The following NLGN4X variants were observed in gnomAD, a reference collection of about 807,000 sequenced individuals.
NLGN4X encodes the protein neuroligin-4, X-linked.
Under a neutral mutation model 40.3 loss-of-function variants are expected in NLGN4X, and 3 were observed. The observed-to-expected ratio is 0.07, with a 90% CI of 0.03 to 0.19. NLGN4X has a LOEUF of 0.19. NLGN4X is among the 10% of genes least tolerant of loss of function. NLGN4X has a pLI of 1.00. For missense variants in NLGN4X, 382 were observed against 708.3 expected (o/e 0.54, Z 5.23); for synonymous variants, 270 against 306.8 (o/e 0.88, Z 1.25).
chrX:6,123,932 G>A (rs1001828717), intron 2 of NLGN4X, among the ~76,000 whole-genome samples: 1 of 108,492 alleles, frequency 9.2e-6, no homozygotes, highest in Non-Finnish European at 1.9e-5. Context: ...GATAACTGCA[G>A]AAATAAAATT....
chrX:6,116,356 C>T (rs1176415003), intron 2 of NLGN4X, among the ~76,000 whole-genome samples: 1 of 86,645 alleles, frequency 1.2e-5, no homozygotes, highest in Non-Finnish European at 2.2e-5. Flanking sequence ...CACACGTCCA[C>T]TTTCATTCAA....
At chrX:6,065,929 C>A (rs189106166) in intron 2 of NLGN4X, among the ~76,000 whole-genome samples, 1 of 110,869 alleles carries the variant, frequency 9.0e-6, no homozygotes, top group East Asian at 2.8e-4. Context: ...ACATTTAATT[C>A]AATTATATTT....
intron 1 of NLGN4X, among the ~76,000 whole-genome samples, chrX:6,224,286 G>A (rs1343195605): frequency 1.8e-5 from 2 of 112,312 alleles, no homozygotes; most frequent in African/African-American, 6.5e-5. Flanking sequence ...GTTAAACGGA[G>A]GTCATTCCCT....
intron 3 of NLGN4X, among the ~76,000 whole-genome samples, chrX:6,016,885 G>T (rs1462189661): frequency 8.9e-6 from 1 of 111,957 alleles, no homozygotes; most frequent in Admixed American, 9.5e-5. Context: ...TGTATTATAT[G>T]ATTTAATTTA....
intron 3 of NLGN4X, among the ~76,000 whole-genome samples, chrX:5,917,488 T>C (rs752509123): frequency 5.3e-5 from 6 of 112,517 alleles, no homozygotes; most frequent in Non-Finnish European, 9.4e-5. Context: ...GTGGATTCAG[T>C]TGGACATCCT....
intron 3 of NLGN4X, among the ~76,000 whole-genome samples, chrX:5,928,049 C>G (rs1187754738): frequency 8.9e-6 from 1 of 111,983 alleles, no homozygotes. Flanking sequence ...ATCTGCAACT[C>G]CAGGGCAAAA....
At chrX:5,986,101 T>G (rs925165211) in intron 3 of NLGN4X, among the ~76,000 whole-genome samples, 1 of 112,278 alleles carries the variant, frequency 8.9e-6, no homozygotes, top group African/African-American at 3.2e-5. Flanking sequence ...AACTACCACC[T>G]GGAAAACTAT....
Position 6,107,831 on chromosome X carries a change from C to A in NLGN4X, c.472+43164G>T, listed in dbSNP as rs769446818. On this transcript the variant is annotated intron_variant, in intron 2 of 5. Transcript: ENST00000381095. ...GATTTTATGTTTTTGAGTTATTTCA[C>A]CTAGGATAATGGCCTCCAGCCACAT... is the stretch of plus-strand genomic sequence containing the variant. Among the ~76,000 whole-genome samples, 5 of 112,133 alleles carry A rather than the reference C, an allele frequency of 4.5e-5. No individual in the cohort carries two copies. In the South Asian group the frequency reaches 1.8e-3, roughly 41 times the overall value.
At chrX:5,990,278 A>G (rs2035647168) in intron 3 of NLGN4X, among the ~76,000 whole-genome samples, 2 of 111,540 alleles carry the variant, frequency 1.8e-5, no homozygotes, top group Admixed American at 1.9e-4. Flanking sequence ...TCAAGGCACT[A>G]GATACAGAAG....
Position 5,903,413 on chromosome X carries a change from A to C in NLGN4X, c.1265T>G (p.Phe422Cys), listed in dbSNP as rs1300717266. 1 of 1,208,230 alleles carries C rather than the reference A, an allele frequency of 8.3e-7. No homozygotes were observed. The highest frequency in any genetic ancestry group is 1.1e-6 in the Non-Finnish European group (1 of 893,396). ...GKDTLRETIK[F>C]MYTDWADKEN... The stretch of plus-strand genomic sequence containing the variant: ...CTTATCGGCCCAGTCTGTGTACATG[A>C]ACTTGATAGTCTCCCGCAAAGTGTC... The change falls in exon 5 of 6, where the codon TTC becomes TGC. Residue 422 changes from phenylalanine to cysteine, a missense_variant. Phe to Cys is a radical substitution (Grantham distance 205, BLOSUM62 -2). Transcript: ENST00000381095.
At chrX:5,964,174 C>A (rs974082973) in intron 3 of NLGN4X, among the ~76,000 whole-genome samples, 3 of 111,420 alleles carry the variant, frequency 2.7e-5, no homozygotes, top group African/African-American at 9.8e-5. Context: ...TGCACTCACT[C>A]CCGAATAATT....
intron 3 of NLGN4X, among the ~76,000 whole-genome samples, chrX:5,921,432 A>AGAGAGAGAGAGAGAGG (rs1569131768): frequency 9.5e-6 from 1 of 105,775 alleles, no homozygotes. Flanking sequence ...AGAGAGAGAG[A>AGAGAGAGAGAGAGAGG]GAGGAGAGAC....
At chrX:6,190,154 G>A (rs1922415463) in intron 1 of NLGN4X, among the ~76,000 whole-genome samples, 1 of 110,648 alleles carries the variant, frequency 9.0e-6, no homozygotes, top group Non-Finnish European at 1.9e-5. Context: ...AATTATCTTT[G>A]AAAAACAAAA....
At chrX:6,033,488 A>G (rs980313670) in intron 2 of NLGN4X, among the ~76,000 whole-genome samples, 2 of 112,305 alleles carry the variant, frequency 1.8e-5, no homozygotes, top group Non-Finnish European at 3.8e-5. Context: ...CTATGTGTTT[A>G]AAATAGTTAT....
Position 6,034,044 on chromosome X carries a change from A to G in NLGN4X, c.473-4612T>C, listed in dbSNP as rs375378414. Among the ~76,000 whole-genome samples, 5 of 112,514 alleles carry G rather than the reference A, an allele frequency of 4.4e-5. No homozygotes were observed. The East Asian group carries it at 1.1e-3, about 25-fold the overall frequency. ...CTACATAACTCAGAAGAGCTTAAAC[A>G]TATTTTGAAACCAAGACTTGATAAT... is the stretch of plus-strand genomic sequence containing the variant. On this transcript the variant is annotated intron_variant, in intron 2 of 5. Coordinates refer to ENST00000381095, the MANE Select transcript of NLGN4X (RefSeq NM_181332.3).
At chrX:5,980,825 A>G (rs749342746) in intron 3 of NLGN4X, among the ~76,000 whole-genome samples, 6 of 111,307 alleles carry the variant, frequency 5.4e-5, no homozygotes, top group African/African-American at 2.0e-4. Context: ...GAGCTCAGGT[A>G]GCAGGAGCCC....
In NLGN4X at chrX:6,109,597, T is replaced by C. The variant is rs143617365; in HGVS notation, c.472+41398A>G. Among the ~76,000 whole-genome samples, 276 of 111,793 alleles carry C rather than the reference T, an allele frequency of 2.5e-3. 1 individual carries two copies. Among genetic ancestry groups the C allele is most frequent in the African/African-American group, 8.8e-3 (271 of 30,789 alleles). On this transcript the variant is annotated intron_variant, in intron 2 of 5. Transcript: ENST00000381095. ...CTTTTAAGAAAACTTTCGCAATCTC[T>C]CACTTTCTGATCCAGCAATCCAAAA...
intron 2 of NLGN4X, among the ~76,000 whole-genome samples, chrX:6,082,956 C>T (rs12854194): frequency 0.19 from 8,767 of 45,211 alleles, 760 homozygotes; most frequent in Non-Finnish European, 0.22. Flanking sequence ...GCGTTTTTTT[C>T]TTTTTTTTTT....
intron 3 of NLGN4X, among the ~76,000 whole-genome samples, chrX:5,998,893 A>G (rs1332916454): frequency 8.9e-6 from 1 of 112,784 alleles, no homozygotes; most frequent in East Asian, 2.8e-4. Context: ...TGCAATGTGC[A>G]GTTGAAATGA....
Sources: gnomAD v4.1 joint callset for allele counts (sites outside exome capture counted in the v4.1 genomes callset) on GRCh38, gnomAD v4.1.1 for gene constraint, MANE v1.5 for transcripts, NCBI Gene and HGNC (gene_info 2026-07-23, HGNC 2026-07-21) for gene names.